Variants in NEB observed in about 807,000 individuals in gnomAD.
NEB encodes nemaline myopathy type 2.
A neutral mutation model predicts 952.2 loss-of-function variants in NEB; 512 were observed. The ratio of observed to expected loss-of-function variants is 0.54; its 90% confidence interval spans 0.50 to 0.58. The LOEUF (loss-of-function observed/expected upper bound fraction) is 0.58, where lower values mean the gene tolerates loss of function less well. Ranked by LOEUF, NEB falls within the 20% of genes least tolerant of loss-of-function variation. NEB has a pLI of 0.00. For missense variants in NEB, 8,428 were observed against 9,231.1 expected (o/e 0.91, Z 3.56); for synonymous variants, 2,900 against 3,149.8 (o/e 0.92, Z 2.66).
At chr2:151,670,966 C>T (rs370854178) in intron 38 of NEB, 57 bp downstream of exon 38, 8 of 1,506,672 alleles carry the variant, frequency 5.3e-6, no homozygotes, top group Admixed American at 3.4e-5. Context: ...GACGGAGGAG[C>T]GGCTCAGACA....
At chr2:151,523,076 G>GT (rs2083078715) in intron 153 of NEB, among the ~76,000 whole-genome samples, 1 of 150,520 alleles carries the variant, frequency 6.6e-6, no homozygotes. Context: ...ATAGTCGTTT[G>GT]TTTTTAAATT....
At chr2:151,562,002 G>C in intron 121 of NEB, 108 bp downstream of exon 121, 3 of 817,656 alleles carry the variant, frequency 3.7e-6, no homozygotes, top group Non-Finnish European at 6.2e-6. Flanking sequence ...TGGTCAGTTA[G>C]AGCCTACACT....
Position 151,581,519 on chromosome 2 carries a change from C to A in NEB, c.16248G>T (p.Met5416Ile), listed in dbSNP as rs775135949. The A allele has an allele frequency of 2.2e-4, 256 of 1,154,392 alleles. 1 individual carries two copies. Among genetic ancestry groups the A allele is most frequent in the Non-Finnish European group, 9.7e-6 (8 of 828,932 alleles). The allele number at this position is 1,154,392 out of a possible 1,614,324, so 71.5% of individuals were successfully genotyped here. A position where few individuals can be genotyped will look rare whatever the true frequency, so the allele number is the denominator to read the frequency against. ...NVNVPADTPL[M>I]LQSKINALQI... ...GCAGGGCATTGATTTTGGATTGCAG[C>A]ATCAGGGGAGTGTCAGCTGGCACGT... The change falls in exon 103 of 182, where the codon ATG becomes ATT. Residue 5416 changes from methionine to isoleucine, a missense_variant. Met to Ile is a conservative substitution (Grantham distance 10). This residue lies in a region of NEB where 40 missense variants were observed against 61.2 expected (regional missense o/e 0.65). Coordinates refer to ENST00000397345, the MANE Select transcript of NEB (RefSeq NM_001164508.2).
At position 151,671,233 on chromosome 2, in the gene NEB, T is replaced by C. The variant is rs762231656; in HGVS notation, c.4300-4A>G. Reference sequence around the variant, plus strand: ...TATACTCGTCTTTATACACATTCTGTAAAAGGGTAAGCTAATATGAGAAGA... The same window carrying C: ...TATACTCGTCTTTATACACATTCTGCAAAAGGGTAAGCTAATATGAGAAGA... On this transcript the variant is annotated splice_region_variant and splice_polypyrimidine_tract_variant and intron_variant, in intron 37 of 181. Coordinates refer to ENST00000397345, the MANE Select transcript of NEB (RefSeq NM_001164508.2). The C allele has an allele frequency of 2.0e-5, 32 of 1,607,268 alleles. No individual in the cohort carries two copies. In the Admixed American group the frequency reaches 2.2e-4, roughly 11 times the overall value.
chr2:151,563,505 A>G, intron 119 of NEB, 101 bp downstream of exon 119: 2 of 1,016,628 alleles, frequency 2.0e-6, no homozygotes, highest in Non-Finnish European at 3.1e-6. Flanking sequence ...ACGCTACTCC[A>G]TTTCCCAGCT....
intron 73 of NEB, among the ~76,000 whole-genome samples, chr2:151,618,715 A>C (rs900951162): frequency 6.6e-5 from 10 of 152,184 alleles, no homozygotes; most frequent in South Asian, 6.2e-4. Flanking sequence ...AGTAAAAGAC[A>C]TGGTCCTGCC....
In NEB at chr2:151,490,302, G is replaced by T. The variant is rs1455415546; in HGVS notation, c.25297+70C>A. ...TTTTAAATTTGTTTTTGTACTCAAA[G>T]CATCTCTTATAGTAACCATCAATGA... On this transcript the variant is annotated intron_variant, in intron 180 of 181. Transcript: ENST00000397345. The T allele has an allele frequency of 8.6e-6, 13 of 1,517,656 alleles. No homozygotes were observed. In the African/African-American group the frequency reaches 1.7e-4, roughly 19 times the overall value. The allele number at this position is 1,517,656 out of a possible 1,614,324, so 94.0% of individuals were successfully genotyped here. A position where few individuals can be genotyped will look rare whatever the true frequency, so the allele number is the denominator to read the frequency against.
chr2:151,493,151 GTTAATGTCTATTT>G (rs1292583571), intron 176 of NEB, 189 bp downstream of exon 176: 1 of 534,992 alleles, frequency 1.9e-6, no homozygotes, highest in East Asian at 3.1e-5. Flanking sequence ...TAAAAGCACA[GTTAATGTCTATTT>G]TAGTGTAAAT....
chr2:151,696,809 T>A, intron 16 of NEB, 74 bp from the exon 17 acceptor site: 1 of 1,015,632 alleles, frequency 9.8e-7, no homozygotes, highest in Non-Finnish European at 1.6e-6. Flanking sequence ...GCCAAGCAAA[T>A]AGAACCTCAT....
In NEB at chr2:151,506,195, C is replaced by T; in HGVS notation, c.23620G>A (p.Val7874Met). 1.9e-6 allele frequency: 3 copies of T among 1,613,550 alleles called. No individual in the cohort carries two copies. The highest frequency in any genetic ancestry group is 2.2e-5 in the East Asian group (1 of 44,882). ...CTAATGTGGTCCTGTGTTTGTTTCA[C>T]TCTCATCATCTCAGGTGTCTTTCCG... ...AIGKTPEMMR[V>M]KQTQDHISSV... Residue 7874 changes from valine to methionine, a missense_variant, in exon 164 of 182, where the codon GTG becomes ATG. This residue lies in a region of NEB where 3,374 missense variants were observed against 3,651.5 expected (regional missense o/e 0.92). Coordinates refer to ENST00000397345, the MANE Select transcript of NEB (RefSeq NM_001164508.2).
At chr2:151,554,395 C>T (rs1436070885) in intron 125 of NEB, among the ~76,000 whole-genome samples, 1 of 151,736 alleles carries the variant, frequency 6.6e-6, no homozygotes, top group Admixed American at 6.6e-5. Context: ...ATTCCAATCG[C>T]TACAAAAAAA....
intron 136 of NEB, 135 bp from the exon 137 acceptor site, chr2:151,540,936 T>C: frequency 1.4e-6 from 1 of 739,892 alleles, no homozygotes; most frequent in Non-Finnish European, 2.3e-6. Flanking sequence ...TTTGCTTGTT[T>C]TTTTGTTATA....
At chr2:151,678,240 T>A in intron 32 of NEB, 53 bp from the exon 33 acceptor site, 2 of 1,180,444 alleles carry the variant, frequency 1.7e-6, no homozygotes, top group Admixed American at 2.5e-5. Context: ...AGGGCTTTAC[T>A]AAACAATGAG....
chr2:151,567,203 T>A lies in NEB; in HGVS notation c.18121A>T (p.Ile6041Phe), dbSNP rs1334228700. The change falls in exon 114 of 182, where the codon ATT becomes TTT. Residue 6041 changes from isoleucine (I) to phenylalanine (F), a missense_variant. Around this residue, in one of 11 missense-constraint regions of NEB, gnomAD observed 3,374 missense variants for 3,651.5 expected, o/e 0.92. Coordinates refer to ENST00000397345, the MANE Select transcript of NEB (RefSeq NM_001164508.2). Reference protein sequence around the residue: ...WMCHPDQNDVIQARKAYDLQS... With the variant: ...WMCHPDQNDVFQARKAYDLQS... ...AGGTCATAGGCCTTTCTTGCCTGAA[T>A]AACATCGTTCTGGTCAGGATGACAC... is the stretch of plus-strand genomic sequence containing the variant. 1.9e-5 allele frequency: 31 copies of A among 1,611,672 alleles called. No homozygotes were observed. The highest frequency in any genetic ancestry group is 2.3e-5 in the Non-Finnish European group (27 of 1,178,246).
intron 138 of NEB, 135 bp downstream of exon 138, chr2:151,540,209 C>T (rs982116878): frequency 1.3e-4 from 57 of 450,276 alleles, no homozygotes; most frequent in African/African-American, 1.2e-3. Context: ...TTTTTTTTCT[C>T]TTTAAAAAAA....
intron 171 of NEB, 111 bp downstream of exon 171, chr2:151,497,515 T>G (rs962608084): frequency 2.7e-6 from 4 of 1,497,194 alleles, no homozygotes; most frequent in Non-Finnish European, 3.5e-6. Flanking sequence ...CTAAAGAAAT[T>G]CACAAAATTT....
chr2:151,660,493 CAG>C (rs1337814683), intron 46 of NEB, among the ~76,000 whole-genome samples: 3 of 152,198 alleles, frequency 2.0e-5, no homozygotes, highest in African/African-American at 7.2e-5. Context: ...AACTCCCTTA[CAG>C]ATATTGCATG....
chr2:151,566,237 G>T (rs1005305034), intron 114 of NEB, among the ~76,000 whole-genome samples: 4 of 152,158 alleles, frequency 2.6e-5, no homozygotes, highest in African/African-American at 9.7e-5. Context: ...CTAAATGAGG[G>T]AAACTACACA....
chr2:151,615,844 C>A, intron 76 of NEB, 158 bp downstream of exon 76: 2 of 619,228 alleles, frequency 3.2e-6, no homozygotes, highest in South Asian at 2.2e-5. Flanking sequence ...GAATTTTGTG[C>A]TTTTCTTTTT....
Sources: allele counts gnomAD v4.1 joint callset (sites outside exome capture counted in the v4.1 genomes callset), GRCh38; gene constraint gnomAD v4.1.1; regional missense constraint gnomAD v4.1.1; transcripts MANE v1.5; gene names NCBI Gene and HGNC (gene_info 2026-07-23, HGNC 2026-07-21).